ADRA2A: variants seen among roughly 807,000 people sequenced by gnomAD.
ADRA2A encodes alpha-2A adrenergic receptor.
Under a neutral mutation model 5.9 loss-of-function variants are expected in ADRA2A, and 6 were observed. That is an observed-to-expected ratio of 1.01 (90% CI 0.55 to 2.00). ADRA2A has a LOEUF of 2.00. ADRA2A is among the 30% of genes most tolerant of loss of function. The pLI, the probability that ADRA2A is intolerant of heterozygous loss-of-function variation, is 0.00. For missense variants in ADRA2A, 647 were observed against 690.0 expected (o/e 0.94, Z 0.70); for synonymous variants, 345 against 325.9 (o/e 1.06, Z -0.63).
rs760920748 is a variant in ADRA2A at position 111,078,860 on chromosome 10, C to T, written c.864C>T (p.Leu288=). Reference sequence around the variant, plus strand: ...AGGCCGAACCGCTGCCCACCCAGCTCAACGGCGCCCCTGGCGAGCCCGCGC... The same window carrying T: ...AGGCCGAACCGCTGCCCACCCAGCTTAACGGCGCCCCTGGCGAGCCCGCGC... ...GAEAEPLPTQ[L]NGAPGEPAPA... is the part of the protein sequence containing the mutation. Residue 288 remains leucine (L), a synonymous_variant, in exon 1 of 1, where the codon CTC becomes CTT. Transcript: ENST00000280155. 2.5e-6 allele frequency: 3 copies of T among 1,206,242 alleles called. No homozygotes were observed. The highest frequency in any genetic ancestry group is 1.0e-6 in the Non-Finnish European group (1 of 973,426). 74.7% of individuals were successfully genotyped at this position (1,206,242 alleles called of 1,614,324 possible).
At position 111,077,379 on chromosome 10, in the gene ADRA2A, C is replaced by G. The variant is rs1327527549; in HGVS notation, c.-618C>G. 6.6e-6 allele frequency: 1 copy of G among 152,274 alleles called. No homozygotes were observed. Among genetic ancestry groups the G allele is most frequent in the East Asian group, 1.9e-4 (1 of 5,154 alleles). The allele number at this position is 152,274 out of a possible 1,614,324, so 9.4% of individuals were successfully genotyped here. On this transcript the variant is annotated 5_prime_UTR_variant, in exon 1 of 1. Transcript: ENST00000280155. ...CAACTTTGGAAGTCTCGCGGCGCTC[C>G]GAGAGGCGGCAGAGTCCGCGCCCCA...
rs538986101 is a variant in ADRA2A, at chr10:111,079,702, C to G, written c.*308C>G. 1 of 449,434 alleles carries G rather than the reference C, an allele frequency of 2.2e-6. No homozygotes were observed. The highest frequency in any genetic ancestry group is 2.0e-5 in the African/African-American group (1 of 50,676). The allele number at this position is 449,434 out of a possible 1,614,324, so 27.8% of individuals were successfully genotyped here. A position where few individuals can be genotyped will look rare whatever the true frequency, so the allele number is the denominator to read the frequency against. On this transcript the variant is annotated 3_prime_UTR_variant, in exon 1 of 1. Coordinates refer to ENST00000280155, the MANE Select transcript of ADRA2A (RefSeq NM_000681.4). ...TTCACCCTCTTCGCCTGGTACAGCC[C>G]TCACAGCTCTTCAGAGCAAGCACTG...
In ADRA2A at chr10:111,078,104, CG is replaced by C; in HGVS notation, c.110del (p.Gly37AlafsTer11). ...SWNGTEAPGG[G>X]ARATPYSLQV... is the part of the protein sequence containing the mutation. ...GGAACGGGACCGAGGCGCCGGGGGG[CG>C]GCGCCCGGGCCACCCCTTACTCCCT... On this transcript the variant is annotated frameshift_variant, in exon 1 of 1. Coordinates refer to ENST00000280155, the MANE Select transcript of ADRA2A (RefSeq NM_000681.4). LOFTEE classifies it low-confidence loss of function (END_TRUNC). 6.4e-7 allele frequency: 1 copy of C among 1,570,592 alleles called. No homozygotes were observed. The highest frequency in any genetic ancestry group is 8.6e-7 in the Non-Finnish European group (1 of 1,163,036).
At position 111,079,243 on chromosome 10, in the gene ADRA2A, G is replaced by A; in HGVS notation, c.1247G>A (p.Cys416Tyr). Residue 416 changes from cysteine (C) to tyrosine (Y), a missense_variant, in exon 1 of 1, where the codon TGC (cysteine) becomes TAC (tyrosine). This residue lies in a region of ADRA2A where 8 missense variants were observed against 24.9 expected (regional missense o/e 0.32). Transcript: ENST00000280155. ...FFTYTLTAVG[C>Y]SVPRTLFKFF... is the part of the protein sequence containing the mutation. ...ACCTACACGCTCACGGCCGTCGGGTGCTCCGTGCCACGCACGCTCTTCAAA... is the reference window on the plus strand; with the variant it reads ...ACCTACACGCTCACGGCCGTCGGGTACTCCGTGCCACGCACGCTCTTCAAA... 6.2e-7 allele frequency: 1 copy of A among 1,614,126 alleles called. No homozygotes were observed. Among genetic ancestry groups the A allele is most frequent in the Non-Finnish European group, 8.5e-7 (1 of 1,180,030 alleles).
At position 111,078,978 on chromosome 10, in the gene ADRA2A, C is replaced by A. The variant is rs1354841234; in HGVS notation, c.982C>A (p.Arg328Ser). The change falls in exon 1 of 1, where the codon CGC (arginine) becomes AGC (serine). Residue 328 changes from arginine to serine, a missense_variant. Arg to Ser is a moderately radical substitution (Grantham distance 110). Around this residue, in one of 3 missense-constraint regions of ADRA2A, gnomAD observed 577 missense variants for 605.4 expected, o/e 0.95. Coordinates refer to ENST00000280155, the MANE Select transcript of ADRA2A (RefSeq NM_000681.4). Reference sequence around the variant, plus strand: ...GCCTCCAGGGCCCCGCAGACCCGAGCGCGGTCCCCGGGGCAAAGGCAAGGC... The same window carrying A: ...GCCTCCAGGGCCCCGCAGACCCGAGAGCGGTCCCCGGGGCAAAGGCAAGGC... Reference protein sequence around the residue: ...ERPPGPRRPERGPRGKGKARA... With the variant: ...ERPPGPRRPESGPRGKGKARA... 1 of 1,235,146 alleles carries A rather than the reference C, an allele frequency of 8.1e-7. No homozygotes were observed. Among genetic ancestry groups the A allele is most frequent in the Non-Finnish European group, 1.0e-6 (1 of 991,770 alleles). The allele number at this position is 1,235,146 out of a possible 1,614,324, so 76.5% of individuals were successfully genotyped here.
At position 111,078,769 on chromosome 10, in the gene ADRA2A, C is replaced by G. The variant is rs1843564385; in HGVS notation, c.773C>G (p.Pro258Arg). 2 of 1,421,582 alleles carry G rather than the reference C, an allele frequency of 1.4e-6. No homozygotes were observed. Among genetic ancestry groups the G allele is most frequent in the East Asian group, 2.8e-5 (1 of 36,252 alleles). 88.1% of individuals were successfully genotyped at this position (1,421,582 alleles called of 1,614,324 possible). ...RRGPDAVAAP[P>R]GGTERRPNGL... ...GGTCCGGACGCCGTCGCCGCGCCGC[C>G]GGGGGGCACCGAGCGCAGGCCCAAC... The change falls in exon 1 of 1, where the codon CCG becomes CGG. Residue 258 changes from proline (P) to arginine (R), a missense_variant. Pro to Arg is a moderately radical substitution (Grantham distance 103, BLOSUM62 -2). Around this residue, in one of 3 missense-constraint regions of ADRA2A, gnomAD observed 577 missense variants for 605.4 expected, o/e 0.95. Transcript: ENST00000280155.
In ADRA2A at chr10:111,079,450, G is replaced by A; in HGVS notation, c.*56G>A. ...CTGACTGCAGGCAGCGGGGGGCATC[G>A]AGGGGTGCTTAGCCCCAGGGCACTC... On this transcript the variant is annotated 3_prime_UTR_variant, in exon 1 of 1. Coordinates refer to ENST00000280155, the MANE Select transcript of ADRA2A (RefSeq NM_000681.4). 1.3e-6 allele frequency: 2 copies of A among 1,581,586 alleles called. No individual in the cohort carries two copies. Among genetic ancestry groups the A allele is most frequent in the Non-Finnish European group, 8.7e-7 (1 of 1,155,556 alleles).
chr10:111,078,028 G>A lies in ADRA2A; in HGVS notation c.32G>A (p.Gly11Asp), dbSNP rs1339221375. The change falls in exon 1 of 1, where the codon GGC (glycine) becomes GAC (aspartate). Residue 11 changes from glycine (G) to aspartate (D), a missense_variant. Transcript: ENST00000280155. ...CGCCAGGAGCAGCCGTTGGCCGAGG[G>A]CAGCTTTGCGCCCATGGGCTCCCTG... is the stretch of plus-strand genomic sequence containing the variant. The part of the protein sequence containing the change: MFRQEQPLAE[G>D]SFAPMGSLQP... 14 of 1,466,448 alleles carry A rather than the reference G, an allele frequency of 9.5e-6. No individual in the cohort carries two copies. The highest frequency in any genetic ancestry group is 1.3e-5 in the Non-Finnish European group (14 of 1,116,996). The allele number at this position is 1,466,448 out of a possible 1,614,324, so 90.8% of individuals were successfully genotyped here.
chr10:111,078,035 T>C lies in ADRA2A; in HGVS notation c.39T>C (p.Phe13=), dbSNP rs1339403026. ...RQEQPLAEGS[F]APMGSLQPDA... is the part of the protein sequence containing the mutation. ...AGCAGCCGTTGGCCGAGGGCAGCTT[T>C]GCGCCCATGGGCTCCCTGCAGCCGG... Residue 13 remains phenylalanine (F), a synonymous_variant, in exon 1 of 1, where the codon TTT becomes TTC. Transcript: ENST00000280155. 6.7e-7 allele frequency: 1 copy of C among 1,489,806 alleles called. No individual in the cohort carries two copies. 92.3% of individuals were successfully genotyped at this position (1,489,806 alleles called of 1,614,324 possible).
At position 111,079,484 on chromosome 10, in the gene ADRA2A, G is replaced by C; in HGVS notation, c.*90G>C. ...TTAGCCCCAGGGCACTCAGAAACCC[G>C]GGCGCTGCCTGCTCTGCGTTTCCTC... On this transcript the variant is annotated 3_prime_UTR_variant, in exon 1 of 1. Transcript: ENST00000280155. 3 of 1,409,626 alleles carry C rather than the reference G, an allele frequency of 2.1e-6. No individual in the cohort carries two copies. The South Asian group carries it at 3.8e-5, about 18-fold the overall frequency. 87.3% of individuals were successfully genotyped at this position (1,409,626 alleles called of 1,614,324 possible).
At position 111,078,495 on chromosome 10, in the gene ADRA2A, G is replaced by A; in HGVS notation, c.499G>A (p.Ala167Thr). 6.2e-7 allele frequency: 1 copy of A among 1,613,114 alleles called. No individual in the cohort carries two copies. The highest frequency in any genetic ancestry group is 1.3e-5 in the African/African-American group (1 of 74,990). Reference sequence around the variant, plus strand: ...GAAGCGCACGCCGCGCCGCATCAAGGCCATCATCATCACCGTGTGGGTCAT... The same window carrying A: ...GAAGCGCACGCCGCGCCGCATCAAGACCATCATCATCACCGTGTGGGTCAT... ...NLKRTPRRIK[A>T]IIITVWVISA... The change falls in exon 1 of 1, where the codon GCC becomes ACC. Residue 167 changes from alanine to threonine, a missense_variant. By Grantham distance (58) the Ala-to-Thr change is moderately conservative. Around this residue, in one of 3 missense-constraint regions of ADRA2A, gnomAD observed 577 missense variants for 605.4 expected, o/e 0.95. Coordinates refer to ENST00000280155, the MANE Select transcript of ADRA2A (RefSeq NM_000681.4).
chr10:111,079,309 C>G lies in ADRA2A; in HGVS notation c.1313C>G (p.Pro438Arg). 6.2e-7 allele frequency: 1 copy of G among 1,614,134 alleles called. No homozygotes were observed. ...WFGYCNSSLN[P>R]VIYTIFNHDF... ...GGCTACTGCAACAGCTCGTTGAACC[C>G]GGTCATCTACACCATCTTCAACCAC... Residue 438 changes from proline (P) to arginine (R), a missense_variant, in exon 1 of 1, where the codon CCG (proline) becomes CGG (arginine). Pro to Arg is a moderately radical substitution (Grantham distance 103, BLOSUM62 -2). This residue lies in a region of ADRA2A where 62 missense variants were observed against 59.8 expected (regional missense o/e 1.04). Transcript: ENST00000280155.
rs754163723 is a variant in ADRA2A at position 111,079,131 on chromosome 10, G to A, written c.1135G>A (p.Gly379Arg). ...GGCTGCCAAGGCGTCGCGCTGGCGC[G>A]GGCGGCAGAACCGCGAGAAGCGCTT... Reference protein sequence around the residue: ...VGAAKASRWRGRQNREKRFTF... With the variant: ...VGAAKASRWRRRQNREKRFTF... Residue 379 changes from glycine (G) to arginine (R), a missense_variant, in exon 1 of 1, where the codon GGG becomes AGG. Around this residue, in one of 3 missense-constraint regions of ADRA2A, gnomAD observed 577 missense variants for 605.4 expected, o/e 0.95. Transcript: ENST00000280155. 115 of 1,599,634 alleles carry A rather than the reference G, an allele frequency of 7.2e-5. No homozygotes were observed. Among genetic ancestry groups the A allele is most frequent in the Non-Finnish European group, 9.6e-5 (113 of 1,172,272 alleles).
At position 111,078,830 on chromosome 10, in the gene ADRA2A, C is replaced by T; in HGVS notation, c.834C>T (p.Gly278=). ...CCGAGCGCAGCGCGGGCCCGGGGGG[C>T]GCAGAGGCCGAACCGCTGCCCACCC... ...LGPERSAGPG[G]AEAEPLPTQL... is the part of the protein sequence containing the mutation. The change falls in exon 1 of 1, where the codon GGC becomes GGT. Residue 278 remains glycine (G), a synonymous_variant. Coordinates refer to ENST00000280155, the MANE Select transcript of ADRA2A (RefSeq NM_000681.4). 1 of 1,222,674 alleles carries T rather than the reference C, an allele frequency of 8.2e-7. No homozygotes were observed. Among genetic ancestry groups the T allele is most frequent in the Non-Finnish European group, 1.0e-6 (1 of 981,106 alleles). 75.7% of individuals were successfully genotyped at this position (1,222,674 alleles called of 1,614,324 possible). A position where few individuals can be genotyped will look rare whatever the true frequency, so the allele number is the denominator to read the frequency against.
chr10:111,079,616 T>A lies in ADRA2A; in HGVS notation c.*222T>A. On this transcript the variant is annotated 3_prime_UTR_variant, in exon 1 of 1. Coordinates refer to ENST00000280155, the MANE Select transcript of ADRA2A (RefSeq NM_000681.4). ...TCCCCAGTTGTTGGTTTGGCCACTCTTGACCTGGAGCCATCTTCCTAGTGG... is the reference window on the plus strand; with the variant it reads ...TCCCCAGTTGTTGGTTTGGCCACTCATGACCTGGAGCCATCTTCCTAGTGG... 1 of 616,608 alleles carries A rather than the reference T, an allele frequency of 1.6e-6. No homozygotes were observed. Among genetic ancestry groups the A allele is most frequent in the Non-Finnish European group, 2.9e-6 (1 of 340,608 alleles). The allele number at this position is 616,608 out of a possible 1,614,324, so 38.2% of individuals were successfully genotyped here.
Position 111,080,306 on chromosome 10 carries a change from C to G in ADRA2A, c.*912C>G, listed in dbSNP as rs1843580782. The G allele has an allele frequency of 6.0e-6, 1 of 166,616 alleles. No homozygotes were observed. The highest frequency in any genetic ancestry group is 1.5e-5 in the Non-Finnish European group (1 of 68,088). The allele number at this position is 166,616 out of a possible 1,614,324, so 10.3% of individuals were successfully genotyped here. On this transcript the variant is annotated 3_prime_UTR_variant, in exon 1 of 1. Coordinates refer to ENST00000280155, the MANE Select transcript of ADRA2A (RefSeq NM_000681.4). ...TTTAAAACCTCTCTTTCCAGTGTTC[C>G]CTCTCTCCCTCCAGGGCCACTGCTT...
In ADRA2A at chr10:111,078,735, A is replaced by C; in HGVS notation, c.739A>C (p.Ser247Arg). 2 of 1,478,674 alleles carry C rather than the reference A, an allele frequency of 1.4e-6. No individual in the cohort carries two copies. The highest frequency in any genetic ancestry group is 1.8e-6 in the Non-Finnish European group (2 of 1,119,968). The allele number at this position is 1,478,674 out of a possible 1,614,324, so 91.6% of individuals were successfully genotyped here. The change falls in exon 1 of 1, where the codon AGC becomes CGC. Residue 247 changes from serine (S) to arginine (R), a missense_variant. Around this residue, in one of 3 missense-constraint regions of ADRA2A, gnomAD observed 577 missense variants for 605.4 expected, o/e 0.95. Coordinates refer to ENST00000280155, the MANE Select transcript of ADRA2A (RefSeq NM_000681.4). ...CAAGCGTCGCACCCGCGTGCCACCC[A>C]GCCGCCGGGGTCCGGACGCCGTCGC... ...IAKRRTRVPP[S>R]RRGPDAVAAP...
rs1843582919 is a variant in ADRA2A, at chr10:111,080,570, C to G, written c.*1176C>G. 1 of 166,998 alleles carries G rather than the reference C, an allele frequency of 6.0e-6. No homozygotes were observed. The highest frequency in any genetic ancestry group is 1.5e-5 in the Non-Finnish European group (1 of 68,116). The allele number at this position is 166,998 out of a possible 1,614,324, so 10.3% of individuals were successfully genotyped here. A position where few individuals can be genotyped will look rare whatever the true frequency, so the allele number is the denominator to read the frequency against. On this transcript the variant is annotated 3_prime_UTR_variant, in exon 1 of 1. Transcript: ENST00000280155. The stretch of plus-strand genomic sequence containing the variant: ...TAGGTATCAAAATGTTGTCCTTTCC[C>G]CCCTCCGTGCTTTTCTGGTTGAGAT...
At position 111,077,822 on chromosome 10, in the gene ADRA2A, G is replaced by A; in HGVS notation, c.-175G>A. Reference sequence around the variant, plus strand: ...GAAGCGCGAGCCAGGCGCAGTTCGCGGGACCCGGGCCATGGGCCGCTAGCG... The same window carrying A: ...GAAGCGCGAGCCAGGCGCAGTTCGCAGGACCCGGGCCATGGGCCGCTAGCG... On this transcript the variant is annotated 5_prime_UTR_variant, in exon 1 of 1. Coordinates refer to ENST00000280155, the MANE Select transcript of ADRA2A (RefSeq NM_000681.4). 1 of 1,059,540 alleles carries A rather than the reference G, an allele frequency of 9.4e-7. No individual in the cohort carries two copies. The highest frequency in any genetic ancestry group is 1.2e-6 in the Non-Finnish European group (1 of 829,780). 65.6% of individuals were successfully genotyped at this position (1,059,540 alleles called of 1,614,324 possible).
Sources: allele counts gnomAD v4.1 joint callset, GRCh38; gene constraint gnomAD v4.1.1; regional missense constraint gnomAD v4.1.1; transcripts MANE v1.5; gene names NCBI Gene and HGNC (gene_info 2026-07-23, HGNC 2026-07-21).